The following CERS6 variants were observed in gnomAD, a reference collection of about 807,000 sequenced individuals.
The protein encoded by CERS6 is ceramide synthase 6, also known as LAG1 homolog, ceramide synthase 6.
Under a neutral mutation model 56.8 loss-of-function variants are expected in CERS6, and 26 were observed. The ratio of observed to expected loss-of-function variants is 0.46; its 90% CI spans 0.34 to 0.63. The LOEUF (loss-of-function observed/expected upper bound fraction) is 0.63. Among genes scored for constraint, CERS6 ranks in the 30% least tolerant of loss-of-function variants. The pLI, the probability that CERS6 is intolerant of heterozygous loss-of-function variation, is 0.01. For missense variants in CERS6, 415 were observed against 467.5 expected (o/e 0.89, Z 1.04); for synonymous variants, 164 against 173.3 (o/e 0.95, Z 0.42).
At chr2:168,479,903 C>T (rs911026164) in intron 1 of CERS6, among the ~76,000 whole-genome samples, 7 of 152,220 alleles carry the variant, frequency 4.6e-5, no homozygotes, top group African/African-American at 1.4e-4. Context: ...CCACGAATCC[C>T]GGCCTTAATA....
At chr2:168,464,175 TG>T (rs1693828766) in intron 1 of CERS6, among the ~76,000 whole-genome samples, 5 of 5,374 alleles carry the variant, frequency 9.3e-4, no homozygotes, top group South Asian at 0.029. Flanking sequence ...TTATACTTTT[TG>T]TGTGTGTGTG....
In CERS6 at chr2:168,665,518, C is replaced by T. The variant is rs138831600; in HGVS notation, c.466-25516C>T. On this transcript the variant is annotated intron_variant, in intron 4 of 9. Transcript: ENST00000305747. ...TGGGAACTATTGTATCTCTCATTAA[C>T]AGATGAGGAAATACTCCCCAGCCCT... 3.5e-3 allele frequency among the ~76,000 whole-genome samples: 535 copies of T among 152,282 alleles called. 7 individuals are homozygous for T. The highest frequency in any genetic ancestry group is 0.012 in the African/African-American group (511 of 41,538).
chr2:168,595,157 G>A lies in CERS6; in HGVS notation c.407+33835G>A, dbSNP rs565767401. On this transcript the variant is annotated intron_variant, in intron 3 of 9. Transcript: ENST00000305747. ...ACCCTAACACTCAAAGCAGTTCATGGTTGCTTTTAAAAAAGTTTGCAGGGC... is the reference window on the plus strand; with the variant it reads ...ACCCTAACACTCAAAGCAGTTCATGATTGCTTTTAAAAAAGTTTGCAGGGC... 3.0e-4 allele frequency among the ~76,000 whole-genome samples: 45 copies of A among 152,220 alleles called. 1 individual carries two copies. The highest frequency in any genetic ancestry group is 1.1e-3 in the African/African-American group (44 of 41,532).
At chr2:168,579,535 C>T (rs1683358154) in intron 3 of CERS6, among the ~76,000 whole-genome samples, 1 of 152,146 alleles carries the variant, frequency 6.6e-6, no homozygotes, top group African/African-American at 2.4e-5. Flanking sequence ...TGCATTCCAT[C>T]CCAGGGACCT....
intron 1 of CERS6, among the ~76,000 whole-genome samples, chr2:168,461,709 A>G (rs1693783560): frequency 6.6e-6 from 1 of 152,260 alleles, no homozygotes; most frequent in African/African-American, 2.4e-5. Context: ...GCAGTGCCTT[A>G]GAATGGTGGA....
intron 2 of CERS6, among the ~76,000 whole-genome samples, chr2:168,549,949 G>A (rs988801479): frequency 6.6e-6 from 1 of 152,072 alleles, no homozygotes; most frequent in East Asian, 1.9e-4. Flanking sequence ...ACCACGGTTT[G>A]AGCTGCCTTT....
chr2:168,736,778 A>T (rs1009442227), intron 8 of CERS6, among the ~76,000 whole-genome samples: 1 of 152,228 alleles, frequency 6.6e-6, no homozygotes. Flanking sequence ...AGGTTTTCAG[A>T]TGGAGCTGAT....
intron 4 of CERS6, among the ~76,000 whole-genome samples, chr2:168,646,044 G>T (rs1346271451): frequency 6.6e-6 from 1 of 152,122 alleles, no homozygotes; most frequent in African/African-American, 2.4e-5. Context: ...ATATTCCTCT[G>T]GGTATATACC....
rs35424614 is a variant in CERS6, at chr2:168,466,010, C to CTTTTT, written c.170+9402_170+9406dup. ...TTTATCTCAGTTTCATCAAGCACTG[C>CTTTTT]TTTTTTTTTTTTTTAACTGCTTAAT... is the stretch of plus-strand genomic sequence containing the variant. On this transcript the variant is annotated intron_variant, in intron 1 of 9. Coordinates refer to ENST00000305747, the MANE Select transcript of CERS6 (RefSeq NM_203463.3). 1.8e-3 allele frequency among the ~76,000 whole-genome samples: 255 copies of CTTTTT among 144,184 alleles called. 2 individuals carry two copies. Among genetic ancestry groups the CTTTTT allele is most frequent in the African/African-American group, 5.7e-3 (225 of 39,270 alleles). 94.6% of individuals were successfully genotyped at this position (144,184 alleles called of 152,430 possible).
intron 4 of CERS6, among the ~76,000 whole-genome samples, chr2:168,677,125 C>T (rs1354382682): frequency 1.3e-5 from 2 of 151,578 alleles, no homozygotes; most frequent in African/African-American, 4.8e-5. Context: ...ACCCATCAAC[C>T]CATCATCTAC....
chr2:168,627,425 A>G (rs924797865), intron 3 of CERS6, among the ~76,000 whole-genome samples: 2 of 152,334 alleles, frequency 1.3e-5, no homozygotes, highest in African/African-American at 4.8e-5. Flanking sequence ...CTCTGAATAT[A>G]TGAGAATACT....
In CERS6 at chr2:168,770,574, T is replaced by C. The variant is rs186767968; in HGVS notation, c.*912T>C. The stretch of plus-strand genomic sequence containing the variant: ...GGTTTTGCCACTACCCTATAATTAG[T>C]GCAGTCTTATGTTATAAAAGAAAGA... On this transcript the variant is annotated 3_prime_UTR_variant, in exon 10 of 10. Coordinates refer to ENST00000305747, the MANE Select transcript of CERS6 (RefSeq NM_203463.3). The C allele has an allele frequency of 1.4e-4, 22 of 152,764 alleles. No homozygotes were observed. The highest frequency in any genetic ancestry group is 1.4e-3 in the Admixed American group (21 of 15,304). The allele number at this position is 152,764 out of a possible 1,614,324, so 9.5% of individuals were successfully genotyped here. A position where few individuals can be genotyped will look rare whatever the true frequency, so the allele number is the denominator to read the frequency against.
At chr2:168,629,920 A>G (rs991502603) in intron 3 of CERS6, among the ~76,000 whole-genome samples, 26 of 151,530 alleles carry the variant, frequency 1.7e-4, no homozygotes, top group Non-Finnish European at 2.8e-4. Context: ...GGTTCACGCC[A>G]TTCTCCTGCC....
At chr2:168,557,178 A>T (rs1279145948) in intron 2 of CERS6, among the ~76,000 whole-genome samples, 1 of 152,038 alleles carries the variant, frequency 6.6e-6, no homozygotes, top group Non-Finnish European at 1.5e-5. Context: ...AATAAAATAA[A>T]TAATAAAAGA....
chr2:168,507,769 T>C (rs1303390613), intron 1 of CERS6, among the ~76,000 whole-genome samples: 2 of 152,180 alleles, frequency 1.3e-5, no homozygotes, highest in Non-Finnish European at 2.9e-5. Flanking sequence ...TTTCTACTAT[T>C]TTCATCATTC....
At chr2:168,691,791 A>G (rs556756391) in intron 5 of CERS6, among the ~76,000 whole-genome samples, 2 of 152,264 alleles carry the variant, frequency 1.3e-5, no homozygotes, top group South Asian at 4.1e-4. Context: ...AATTTCTATA[A>G]CTCCATGTTC....
intron 6 of CERS6, among the ~76,000 whole-genome samples, chr2:168,703,519 C>A (rs993643601): frequency 1.3e-5 from 2 of 152,172 alleles, no homozygotes; most frequent in Non-Finnish European, 2.9e-5. Flanking sequence ...GATCACGCCA[C>A]TGCACTCCAG....
chr2:168,704,271 G>A (rs1686877076), intron 6 of CERS6, among the ~76,000 whole-genome samples: 1 of 152,118 alleles, frequency 6.6e-6, no homozygotes, highest in Admixed American at 6.5e-5. Context: ...GCAGAGGGCT[G>A]CAGCATTACA....
chr2:168,738,643 A>G (rs999732133), intron 8 of CERS6, among the ~76,000 whole-genome samples: 1 of 152,224 alleles, frequency 6.6e-6, no homozygotes, highest in Non-Finnish European at 1.5e-5. Flanking sequence ...TGGAGTTTGC[A>G]TCACAGATTT....
Sources: allele counts gnomAD v4.1 joint callset (sites outside exome capture counted in the v4.1 genomes callset), GRCh38; gene constraint gnomAD v4.1.1; transcripts MANE v1.5; gene names NCBI Gene and HGNC (gene_info 2026-07-23, HGNC 2026-07-21).